Variants in RIMS1 observed in about 807,000 individuals in gnomAD.
The protein encoded by RIMS1 is regulating synaptic membrane exocytosis 1, also known as regulating synaptic membrane exocytosis protein 1.
In RIMS1, 83 loss-of-function variants were observed where a neutral mutation model predicts 214.1. That is an observed-to-expected ratio of 0.39 (90% confidence interval 0.32 to 0.47). The LOEUF (loss-of-function observed/expected upper bound fraction) is 0.47. Ranked by LOEUF, RIMS1 falls within the 20% of genes least tolerant of loss-of-function variation. RIMS1 has a pLI of 0.99. For synonymous variants in RIMS1, 793 were observed against 786.8 expected, an observed-to-expected ratio of 1.01 and a Z score of -0.13; for missense variants, 2,050 against 2,161.8, an observed-to-expected ratio of 0.95 and a Z score of 1.03.
intron 4 of RIMS1, among the ~76,000 whole-genome samples, chr6:72,176,128 A>G (rs942426040): frequency 1.7e-4 from 26 of 152,042 alleles, no homozygotes; most frequent in Non-Finnish European, 2.1e-4. Context: ...TTGTTAAGAT[A>G]AGTTATTGCA....
chr6:72,028,409 CA>C (rs1382037651), intron 2 of RIMS1, among the ~76,000 whole-genome samples: 1 of 151,958 alleles, frequency 6.6e-6, no homozygotes, highest in Non-Finnish European at 1.5e-5. Context: ...ATATCTGTAA[CA>C]ACCTAAGAAT....
At position 72,186,206 on chromosome 6, in the gene RIMS1, T is replaced by C. The variant is rs559181839; in HGVS notation, c.1678+3057T>C. On this transcript the variant is annotated intron_variant, in intron 6 of 33. Transcript: ENST00000521978. ...GGGTCAACCCCTAACCCCTGTGTTA[T>C]TCAAGCATCAACTGTACTTCACAAG... Among the ~76,000 whole-genome samples, 4 of 152,368 alleles carry C rather than the reference T, an allele frequency of 2.6e-5. No individual in the cohort carries two copies. The East Asian group carries it at 5.8e-4, about 22-fold the overall frequency.
chr6:71,927,974 AAGTT>A lies in RIMS1; in HGVS notation c.164+40791_164+40794del, dbSNP rs1464527780. Among the ~76,000 whole-genome samples, 5 of 152,236 alleles carry A rather than the reference AAGTT, an allele frequency of 3.3e-5. No individual in the cohort carries two copies. The East Asian group carries it at 7.7e-4, about 23-fold the overall frequency. ...GTCTTCATATTTTTCATAAGCTAGA[AAGTT>A]AGTATGGTCTGCAGAAATTGTAGAA... On this transcript the variant is annotated intron_variant, in intron 1 of 33. Transcript: ENST00000521978.
At chr6:71,979,939 A>G (rs1243352518) in intron 2 of RIMS1, among the ~76,000 whole-genome samples, 1 of 152,142 alleles carries the variant, frequency 6.6e-6, no homozygotes, top group South Asian at 2.1e-4. Flanking sequence ...TAATGTGAAT[A>G]TCACTGAATT....
At chr6:72,054,871 A>T (rs974443988) in intron 2 of RIMS1, among the ~76,000 whole-genome samples, 1 of 152,106 alleles carries the variant, frequency 6.6e-6, no homozygotes, top group African/African-American at 2.4e-5. Flanking sequence ...CCCGTTCTGT[A>T]GGTTGCCTAT....
At chr6:71,969,159 T>C in intron 2 of RIMS1, 96 bp downstream of exon 2, 1 of 1,152,176 alleles carries the variant, frequency 8.7e-7, no homozygotes, top group South Asian at 1.2e-5. Context: ...GTAGATACTC[T>C]GGCTGCTCTT....
At chr6:72,276,112 G>T (rs376642002) in intron 23 of RIMS1, among the ~76,000 whole-genome samples, 7 of 152,260 alleles carry the variant, frequency 4.6e-5, no homozygotes, top group Middle Eastern at 6.8e-3. Context: ...ACTCAGAAGG[G>T]TGAGGTGCAC....
chr6:71,955,559 G>T (rs889448819), intron 1 of RIMS1, among the ~76,000 whole-genome samples: 4 of 152,046 alleles, frequency 2.6e-5, no homozygotes, highest in African/African-American at 9.7e-5. Flanking sequence ...CATAGGATAG[G>T]TTGCTTTGTT....
At chr6:72,167,220 T>C (rs1304968443) in intron 4 of RIMS1, among the ~76,000 whole-genome samples, 1 of 151,826 alleles carries the variant, frequency 6.6e-6, no homozygotes, top group Non-Finnish European at 1.5e-5. Context: ...TATAAAATGT[T>C]TATTTTGCAT....
chr6:72,337,739 C>G (rs545851535), intron 29 of RIMS1, among the ~76,000 whole-genome samples: 2 of 104,214 alleles, frequency 1.9e-5, no homozygotes, highest in Non-Finnish European at 3.7e-5. Context: ...ATCCCTCCCC[C>G]CTCCCCCCAC....
chr6:71,905,548 A>G (rs971028788), intron 1 of RIMS1, among the ~76,000 whole-genome samples: 4 of 151,868 alleles, frequency 2.6e-5, no homozygotes, highest in African/African-American at 7.2e-5. Flanking sequence ...TCAGAAATTT[A>G]AGTTAGAATA....
At chr6:72,077,142 TC>T (rs900736679) in intron 2 of RIMS1, among the ~76,000 whole-genome samples, 2 of 152,142 alleles carry the variant, frequency 1.3e-5, no homozygotes, top group African/African-American at 4.8e-5. Context: ...AAGGCGTGTT[TC>T]TCCTCGTCCT....
chr6:72,305,932 T>C (rs917164023), intron 26 of RIMS1, among the ~76,000 whole-genome samples: 1 of 152,184 alleles, frequency 6.6e-6, no homozygotes, highest in Non-Finnish European at 1.5e-5. Flanking sequence ...TTAAAACACT[T>C]AGCCACAAAT....
intron 6 of RIMS1, among the ~76,000 whole-genome samples, chr6:72,226,403 A>G (rs377294168): frequency 1.8e-3 from 277 of 152,098 alleles, no homozygotes; most frequent in Middle Eastern, 6.8e-3. Context: ...ATTTCTCAAT[A>G]TCGATTACCC....
At chr6:71,987,944 A>G (rs953011724) in intron 2 of RIMS1, among the ~76,000 whole-genome samples, 1 of 152,162 alleles carries the variant, frequency 6.6e-6, no homozygotes, top group African/African-American at 2.4e-5. Flanking sequence ...GCATTTGAAC[A>G]GTGAGTGTTG....
At chr6:72,345,706 T>G (rs1170244854) in intron 29 of RIMS1, among the ~76,000 whole-genome samples, 2 of 151,852 alleles carry the variant, frequency 1.3e-5, no homozygotes, top group East Asian at 3.9e-4. Flanking sequence ...GACCACTTAG[T>G]ACACCATCAC....
At chr6:72,033,076 A>T (rs1818599258) in intron 2 of RIMS1, among the ~76,000 whole-genome samples, 1 of 152,234 alleles carries the variant, frequency 6.6e-6, no homozygotes, top group Non-Finnish European at 1.5e-5. Flanking sequence ...TCAGGAAGTG[A>T]AGAAGAAAAT....
At chr6:72,306,253 TCACA>T (rs143506753) in intron 26 of RIMS1, among the ~76,000 whole-genome samples, 5 of 149,808 alleles carry the variant, frequency 3.3e-5, no homozygotes, top group African/African-American at 7.3e-5. Context: ...ACACGCATGC[TCACA>T]CACACACACA....
intron 29 of RIMS1, among the ~76,000 whole-genome samples, chr6:72,361,535 C>G (rs1003990015): frequency 6.6e-6 from 1 of 152,150 alleles, no homozygotes; most frequent in Admixed American, 6.5e-5. Context: ...AGTATTTCAA[C>G]AACACAGTCA....
Sources: gnomAD v4.1 joint callset for allele counts (sites outside exome capture counted in the v4.1 genomes callset) on GRCh38, gnomAD v4.1.1 for gene constraint, MANE v1.5 for transcripts, NCBI Gene and HGNC (gene_info 2026-07-23, HGNC 2026-07-21) for gene names.